CSMD1: variants seen among roughly 807,000 people sequenced by gnomAD.
The protein encoded by CSMD1 is CUB and sushi domain-containing protein 1.
A neutral mutation model predicts 417.5 loss-of-function variants in CSMD1; 213 were observed. The ratio of observed to expected loss-of-function variants is 0.51; its 90% CI spans 0.46 to 0.57. The LOEUF (loss-of-function observed/expected upper bound fraction) is 0.57, where lower values mean the gene tolerates loss of function less well. CSMD1 is among the 20% of genes least tolerant of loss of function. The pLI, the probability that CSMD1 is intolerant of heterozygous loss-of-function variation, is 0.00. For missense variants in CSMD1, 6,923 were observed against 4,529.7 expected, an observed-to-expected ratio of 1.53 and a Z score of -15.17; for synonymous variants, 2,862 against 1,736.8, an observed-to-expected ratio of 1.65 and a Z score of -16.11.
intron 26 of CSMD1, among the ~76,000 whole-genome samples, chr8:3,272,475 T>C (rs560200350): frequency 6.7e-6 from 1 of 149,222 alleles, no homozygotes; most frequent in Non-Finnish European, 1.5e-5. Flanking sequence ...AAGAAAGTCA[T>C]TGGTAACTTG....
chr8:3,797,349 C>G (rs1274017440), intron 5 of CSMD1, among the ~76,000 whole-genome samples: 1 of 151,944 alleles, frequency 6.6e-6, no homozygotes, highest in African/African-American at 2.4e-5. Flanking sequence ...TGTTCACTGT[C>G]ACAAGTAGAG....
At chr8:4,270,549 T>C (rs941267994) in intron 3 of CSMD1, among the ~76,000 whole-genome samples, 16 of 152,182 alleles carry the variant, frequency 1.1e-4, no homozygotes, top group Non-Finnish European at 2.4e-4. Flanking sequence ...CTAGTACAGC[T>C]TGAACCCCAT....
chr8:4,886,963 T>G (rs926813063), intron 1 of CSMD1, among the ~76,000 whole-genome samples: 1 of 152,108 alleles, frequency 6.6e-6, no homozygotes, highest in African/African-American at 2.4e-5. Context: ...TGTTTTCTAT[T>G]CTGTATTTCA....
intron 3 of CSMD1, among the ~76,000 whole-genome samples, chr8:4,252,488 T>C (rs1803147430): frequency 6.6e-6 from 1 of 152,216 alleles, no homozygotes; most frequent in Admixed American, 6.5e-5. Context: ...TCCAGGGCTT[T>C]TGAGAAGCCA....
In CSMD1 at chr8:4,301,289, C is replaced by A. The variant is rs149384315; in HGVS notation, c.415+118664G>T. Among the ~76,000 whole-genome samples, 10 of 152,162 alleles carry A rather than the reference C, an allele frequency of 6.6e-5. No individual in the cohort carries two copies. The South Asian group carries it at 2.1e-3, about 32-fold the overall frequency. ...CTCCACAAAGTCAACAAGCAAAATG[C>A]CTTGAGCATCCCAAAATACCAGTGC... is the stretch of plus-strand genomic sequence containing the variant. On this transcript the variant is annotated intron_variant, in intron 3 of 69. Coordinates refer to ENST00000635120, the MANE Select transcript of CSMD1 (RefSeq NM_033225.6).
chr8:3,963,120 C>T (rs149707644), intron 5 of CSMD1, among the ~76,000 whole-genome samples: 7 of 152,100 alleles, frequency 4.6e-5, no homozygotes, highest in Admixed American at 2.0e-4. Context: ...TTAGTAGAGA[C>T]GGGGTTTTAC....
Position 4,965,730 on chromosome 8 carries a change from T to A in CSMD1, c.85+28602A>T, listed in dbSNP as rs147416052. Reference sequence around the variant, plus strand: ...AATAAAATTGAATGCACATTTTAATTTTTAGAGTGAAATACTAATGATTAT... The same window carrying A: ...AATAAAATTGAATGCACATTTTAATATTTAGAGTGAAATACTAATGATTAT... On this transcript the variant is annotated intron_variant, in intron 1 of 69. Coordinates refer to ENST00000635120, the MANE Select transcript of CSMD1 (RefSeq NM_033225.6). Among the ~76,000 whole-genome samples, 1,153 of 152,298 alleles carry A rather than the reference T, an allele frequency of 7.6e-3. 57 individuals carry two copies. Among genetic ancestry groups the A allele is most frequent in the Admixed American group, 0.069 (1,058 of 15,280 alleles).
At chr8:3,368,116 G>T (rs182322951) in intron 19 of CSMD1, among the ~76,000 whole-genome samples, 51 of 152,170 alleles carry the variant, frequency 3.4e-4, no homozygotes, top group Middle Eastern at 3.4e-3. Context: ...TAATAAAAAT[G>T]TGTATTTTTA....
chr8:3,541,094 G>T (rs893251238), intron 10 of CSMD1, among the ~76,000 whole-genome samples: 6 of 152,146 alleles, frequency 3.9e-5, no homozygotes, highest in African/African-American at 1.4e-4. Flanking sequence ...GTTCACTGCA[G>T]CACTATTCAC....
intron 5 of CSMD1, among the ~76,000 whole-genome samples, chr8:3,765,610 A>G (rs775511167): frequency 6.6e-6 from 1 of 152,184 alleles, no homozygotes; most frequent in Non-Finnish European, 1.5e-5. Flanking sequence ...TTTGCTCCTA[A>G]TGTAAGTTAT....
chr8:3,807,980 T>C (rs915342984), intron 5 of CSMD1, among the ~76,000 whole-genome samples: 1 of 152,202 alleles, frequency 6.6e-6, no homozygotes, highest in Non-Finnish European at 1.5e-5. Context: ...TGCAGCCCTA[T>C]TCCTGTGTCA....
intron 7 of CSMD1, among the ~76,000 whole-genome samples, chr8:3,635,201 T>C (rs1420660544): frequency 1.3e-5 from 2 of 152,058 alleles, no homozygotes; most frequent in African/African-American, 4.8e-5. Flanking sequence ...TGTAGCCAGG[T>C]GCAGTGGCTC....
chr8:3,748,092 C>T (rs777359598), intron 6 of CSMD1, among the ~76,000 whole-genome samples: 1 of 152,166 alleles, frequency 6.6e-6, no homozygotes, highest in Non-Finnish European at 1.5e-5. Context: ...GAGTAAGAGT[C>T]AGTCGCTTGG....
intron 12 of CSMD1, among the ~76,000 whole-genome samples, chr8:3,410,409 T>A (rs1370149466): frequency 6.6e-6 from 1 of 152,178 alleles, no homozygotes; most frequent in African/African-American, 2.4e-5. Flanking sequence ...GAATCCCACG[T>A]GTTGTGGCAG....
intron 5 of CSMD1, among the ~76,000 whole-genome samples, chr8:3,795,107 C>G (rs78331569): frequency 2.2e-5 from 2 of 89,568 alleles, no homozygotes; most frequent in African/African-American, 7.8e-5. Flanking sequence ...CTATCATGTA[C>G]AGCTATAGAT....
At chr8:4,192,374 T>G (rs1038242149) in intron 3 of CSMD1, among the ~76,000 whole-genome samples, 7 of 152,144 alleles carry the variant, frequency 4.6e-5, no homozygotes, top group Non-Finnish European at 1.0e-4. Flanking sequence ...AGAGACTCTT[T>G]CTCTTGCTCT....
At position 4,285,862 on chromosome 8, in the gene CSMD1, T is replaced by C. The variant is rs73189934; in HGVS notation, c.415+134091A>G. ...TATTTTAATCAGGAACAAAATCTAC[T>C]TGTGGTCTCTTCCAGCCTGGAAAGT... On this transcript the variant is annotated intron_variant, in intron 3 of 69. Transcript: ENST00000635120. Among the ~76,000 whole-genome samples the C allele has an allele frequency of 5.7e-3, 865 of 152,294 alleles. 2 individuals carry two copies. The highest frequency in any genetic ancestry group is 9.1e-3 in the Non-Finnish European group (618 of 68,026).
At chr8:4,119,709 AGT>A (rs1802371792) in intron 3 of CSMD1, among the ~76,000 whole-genome samples, 5 of 152,188 alleles carry the variant, frequency 3.3e-5, no homozygotes, top group Non-Finnish European at 5.9e-5. Flanking sequence ...GTGGGCTGGC[AGT>A]CTGATCACAA....
chr8:4,112,922 G>A lies in CSMD1; in HGVS notation c.416-80823C>T, dbSNP rs533414056. Among the ~76,000 whole-genome samples, 11 of 152,262 alleles carry A rather than the reference G, an allele frequency of 7.2e-5. No homozygotes were observed. The East Asian group carries it at 1.4e-3, about 19-fold the overall frequency. The stretch of plus-strand genomic sequence containing the variant: ...GTCTATTGGAGCCATTTCTCCAACA[G>A]TAAGTGCTCACTTCATCCTTTTGCG... On this transcript the variant is annotated intron_variant, in intron 3 of 69. Transcript: ENST00000635120.
Sources: gnomAD v4.1 joint callset for allele counts (sites outside exome capture counted in the v4.1 genomes callset) on GRCh38, gnomAD v4.1.1 for gene constraint, MANE v1.5 for transcripts, NCBI Gene and HGNC (gene_info 2026-07-23, HGNC 2026-07-21) for gene names.